Variants in ASXL2 observed in about 807,000 individuals in gnomAD.
The protein encoded by ASXL2 is ASXL transcriptional regulator 2, also known as putative Polycomb group protein ASXL2.
ASXL2 carries 23 observed loss-of-function variants against 122.0 expected under a neutral mutation model. The ratio of observed to expected loss-of-function variants is 0.19; its 90% CI spans 0.14 to 0.27. The LOEUF is 0.27. Ranked by LOEUF, ASXL2 falls within the 10% of genes least tolerant of loss-of-function variation. The pLI is 1.00. For missense variants in ASXL2, 1,518 were observed against 1,713.8 expected (o/e 0.89, Z 2.02); for synonymous variants, 650 against 637.0 (o/e 1.02, Z -0.31).
In ASXL2 at chr2:25,741,139, G is replaced by A. The variant is rs565211724; in HGVS notation, c.*890C>T. 1.4e-5 allele frequency: 3 copies of A among 209,360 alleles called. No homozygotes were observed. Among genetic ancestry groups the A allele is most frequent in the Non-Finnish European group, 2.9e-5 (3 of 103,154 alleles). 13.0% of individuals were successfully genotyped at this position (209,360 alleles called of 1,614,324 possible). A position where few individuals can be genotyped will look rare whatever the true frequency, so the allele number is the denominator to read the frequency against. ...ATCACCCAATCACTAACACTTTCCT[G>A]TTCATTTTATATGAGTATTTCAAAA... On this transcript the variant is annotated 3_prime_UTR_variant, in exon 13 of 13. Transcript: ENST00000435504.
intron 1 of ASXL2, among the ~76,000 whole-genome samples, chr2:25,849,344 G>A (rs1369176428): frequency 6.7e-6 from 1 of 149,476 alleles, no homozygotes; most frequent in African/African-American, 2.5e-5. Context: ...TTACTCAGGA[G>A]GCTGGTTCAA....
At chr2:25,771,322 A>G in intron 6 of ASXL2, 118 bp downstream of exon 6, 1 of 795,816 alleles carries the variant, frequency 1.3e-6, no homozygotes, top group Non-Finnish European at 2.0e-6. Context: ...ACTGCATGAA[A>G]GTTCCACTGG....
At chr2:25,816,240 A>G (rs1020194688) in intron 3 of ASXL2, among the ~76,000 whole-genome samples, 12 of 151,592 alleles carry the variant, frequency 7.9e-5, no homozygotes, top group African/African-American at 2.7e-4. Context: ...TCCATCTCAA[A>G]AAAAAAAAAA....
intron 1 of ASXL2, among the ~76,000 whole-genome samples, chr2:25,865,564 G>A (rs550320315): frequency 2.0e-5 from 3 of 150,854 alleles, no homozygotes; most frequent in African/African-American, 4.9e-5. Flanking sequence ...TCAGGAGATC[G>A]AGACCATCCT....
intron 3 of ASXL2, among the ~76,000 whole-genome samples, chr2:25,806,667 G>C (rs960310820): frequency 9.2e-5 from 14 of 152,168 alleles, no homozygotes; most frequent in Middle Eastern, 3.4e-3. Flanking sequence ...GGTAAAATGA[G>C]AAAAAAGAAC....
rs768548056 is a variant in ASXL2, at chr2:25,749,922, C to A, written c.1634G>T (p.Gly545Val). Residue 545 changes from glycine to valine, a missense_variant, in exon 12 of 13, where the codon GGT (glycine) becomes GTT (valine). Transcript: ENST00000435504. ...TTCTTTCATATTAGTCTCCTGTGGA[C>A]CCGCTCCTGCTGTGGGCTTCACTAT... ...KPIVKPTAGA[G>V]PQETNMKEPL... 6.2e-7 allele frequency: 1 copy of A among 1,613,858 alleles called. No homozygotes were observed. The highest frequency in any genetic ancestry group is 1.7e-5 in the Admixed American group (1 of 60,004).
Position 25,737,739 on chromosome 2 carries a change from T to C in ASXL2, c.*4290A>G, listed in dbSNP as rs1474368681. 6.6e-6 allele frequency: 1 copy of C among 152,168 alleles called. No individual in the cohort carries two copies. The highest frequency in any genetic ancestry group is 2.4e-5 in the African/African-American group (1 of 41,430). 9.4% of individuals were successfully genotyped at this position (152,168 alleles called of 1,614,324 possible). ...AATAATAAAATGAAAAATAAGAATA[T>C]AGGAATACATACAATCTATATACAT... On this transcript the variant is annotated 3_prime_UTR_variant, in exon 13 of 13. Transcript: ENST00000435504.
chr2:25,755,959 G>A, intron 10 of ASXL2, 59 bp downstream of exon 10: 1 of 1,359,564 alleles, frequency 7.4e-7, no homozygotes, highest in Non-Finnish European at 1.1e-6. Flanking sequence ...ACCTGATGAG[G>A]AAGAGAGGTG....
chr2:25,847,605 TACAGAAA>T (rs1478875511), intron 1 of ASXL2, among the ~76,000 whole-genome samples: 1 of 152,184 alleles, frequency 6.6e-6, no homozygotes, highest in African/African-American at 2.4e-5. Flanking sequence ...TTAAGGCCCA[TACAGAAA>T]ACTTCTATTT....
intron 5 of ASXL2, among the ~76,000 whole-genome samples, chr2:25,773,625 C>CA (rs2088496239): frequency 6.7e-6 from 1 of 148,616 alleles, no homozygotes. Flanking sequence ...GAGATTACGC[C>CA]ACTGCACTCC....
In ASXL2 at chr2:25,871,975, G is replaced by A. The variant is rs1237297299; in HGVS notation, c.57+6191C>T. On this transcript the variant is annotated intron_variant, in intron 1 of 12. Coordinates refer to ENST00000435504, the MANE Select transcript of ASXL2 (RefSeq NM_018263.6). Reference sequence around the variant, plus strand: ...TTAAAGAACTTTTTATTAAACTCTTGGGTGAAAAGGAGAAATAAATTATAG... The same window carrying A: ...TTAAAGAACTTTTTATTAAACTCTTAGGTGAAAAGGAGAAATAAATTATAG... 3.3e-5 allele frequency among the ~76,000 whole-genome samples: 5 copies of A among 152,202 alleles called. No individual in the cohort carries two copies. In the Middle Eastern group the frequency reaches 0.01, roughly 311 times the overall value.
At position 25,743,535 on chromosome 2, in the gene ASXL2, G is replaced by C; in HGVS notation, c.2802C>G (p.Asn934Lys). The C allele has an allele frequency of 1.4e-5, 22 of 1,614,012 alleles. No homozygotes were observed. The highest frequency in any genetic ancestry group is 1.9e-5 in the Non-Finnish European group (22 of 1,179,890). The change falls in exon 13 of 13, where the codon AAC becomes AAG. Residue 934 changes from asparagine to lysine, a missense_variant. By Grantham distance (94) the Asn-to-Lys change is moderately conservative. This residue lies in a region of ASXL2 where 831 missense variants were observed against 833.1 expected (regional missense o/e 1.00). Coordinates refer to ENST00000435504, the MANE Select transcript of ASXL2 (RefSeq NM_018263.6). ...SSLKTPGTSLNMNGPTLRPTS... is the reference protein window; with the variant it reads ...SSLKTPGTSLKMNGPTLRPTS... Reference sequence around the variant, plus strand: ...TTGGTCTTAAAGTGGGTCCATTCATGTTTAAAGAAGTTCCTGGGGTTTTAA... The same window carrying C: ...TTGGTCTTAAAGTGGGTCCATTCATCTTTAAAGAAGTTCCTGGGGTTTTAA...
intron 2 of ASXL2, among the ~76,000 whole-genome samples, chr2:25,836,501 T>C: frequency 6.6e-6 from 1 of 152,178 alleles, no homozygotes; most frequent in East Asian, 1.9e-4. Context: ...AAAAAATAGG[T>C]GCTCTGATTG....
intron 9 of ASXL2, 54 bp from the exon 10 acceptor site, chr2:25,756,168 G>T: frequency 1.8e-6 from 2 of 1,122,926 alleles, no homozygotes; most frequent in Non-Finnish European, 2.5e-6. Context: ...AAGGTATCAC[G>T]TCGTATTTGA....
chr2:25,792,318 C>T lies in ASXL2; in HGVS notation c.403+7067G>A, dbSNP rs1411671363. Among the ~76,000 whole-genome samples, 6 of 152,062 alleles carry T rather than the reference C, an allele frequency of 3.9e-5. No homozygotes were observed. In the East Asian group the frequency reaches 9.7e-4, roughly 25 times the overall value. On this transcript the variant is annotated intron_variant, in intron 5 of 12. Transcript: ENST00000435504. The stretch of plus-strand genomic sequence containing the variant: ...CAGCCTGCCTAACAAGTAGTTTAAA[C>T]GGAGATATTACTTTGGTTGTTATCA...
At chr2:25,865,568 C>T (rs987884755) in intron 1 of ASXL2, among the ~76,000 whole-genome samples, 37 of 151,244 alleles carry the variant, frequency 2.4e-4, no homozygotes, top group Non-Finnish European at 4.7e-4. Flanking sequence ...GAGATCGAGA[C>T]CATCCTGGCT....
At chr2:25,826,745 A>G (rs2089382201) in intron 3 of ASXL2, among the ~76,000 whole-genome samples, 1 of 149,070 alleles carries the variant, frequency 6.7e-6, no homozygotes, top group Non-Finnish European at 1.5e-5. Context: ...ATAGGATTAA[A>G]TAATAGACTT....
intron 3 of ASXL2, among the ~76,000 whole-genome samples, chr2:25,832,818 G>A (rs868458082): frequency 6.6e-6 from 1 of 152,134 alleles, no homozygotes. Flanking sequence ...AGTTAGAAAC[G>A]GTCGCACGTC....
intron 1 of ASXL2, among the ~76,000 whole-genome samples, chr2:25,873,586 A>C (rs1490368732): frequency 6.6e-6 from 1 of 152,044 alleles, no homozygotes; most frequent in Admixed American, 6.6e-5. Context: ...TAAGTGACAA[A>C]AACTAAAATC....
Sources: allele counts gnomAD v4.1 joint callset (sites outside exome capture counted in the v4.1 genomes callset), GRCh38; gene constraint gnomAD v4.1.1; regional missense constraint gnomAD v4.1.1; transcripts MANE v1.5; gene names NCBI Gene and HGNC (gene_info 2026-07-23, HGNC 2026-07-21).